Variants in BOLL observed in about 807,000 individuals in gnomAD.
The protein encoded by BOLL is protein boule-like.
In BOLL, 23 loss-of-function variants were observed where a neutral mutation model predicts 44.4. That is an observed-to-expected ratio of 0.52 (90% CI 0.37 to 0.73). The LOEUF (loss-of-function observed/expected upper bound fraction) is 0.73. BOLL is among the 30% of genes least tolerant of loss of function. The pLI is 0.00. For missense variants in BOLL, 287 were observed against 338.3 expected, an observed-to-expected ratio of 0.85 and a Z score of 1.19; for synonymous variants, 97 against 110.8, an observed-to-expected ratio of 0.88 and a Z score of 0.78.
chr2:197,763,397 A>T (rs2106362022), intron 7 of BOLL, among the ~76,000 whole-genome samples: 2 of 151,384 alleles, frequency 1.3e-5, no homozygotes, highest in South Asian at 4.2e-4. Context: ...CAGGAGAATG[A>T]CATGAACCTG....
At chr2:197,748,867 C>T (rs1038889225) in intron 9 of BOLL, among the ~76,000 whole-genome samples, 1 of 152,270 alleles carries the variant, frequency 6.6e-6, no homozygotes, top group African/African-American at 2.4e-5. Context: ...GATCTCCCAG[C>T]ACAGTGCTTG....
Position 197,756,545 on chromosome 2 carries a change from A to G in BOLL, c.612T>C (p.Ser204=), listed in dbSNP as rs933023301. Residue 204 remains serine (S), a synonymous_variant, in exon 9 of 11, where the codon TCT becomes TCC. Transcript: ENST00000392296. ...GTTGCAGGTATAAGAATGGAGCAGA[A>G]GAGGCAGAAGGCTAAAATACAAAAC... The part of the protein sequence containing the change: ...WQWSVPQPSA[S]SAPFLYLQPS... 6.2e-7 allele frequency: 1 copy of G among 1,606,712 alleles called. No homozygotes were observed. The highest frequency in any genetic ancestry group is 8.5e-7 in the Non-Finnish European group (1 of 1,176,422).
chr2:197,757,912 C>T (rs700648), intron 7 of BOLL, among the ~76,000 whole-genome samples: 75,214 of 151,950 alleles, frequency 0.49, 19,263 homozygotes, highest in African/African-American at 0.6. Context: ...AAATAATGCT[C>T]GACACCACTA....
chr2:197,781,579 A>C, intron 2 of BOLL, 143 bp downstream of exon 2: 1 of 882,102 alleles, frequency 1.1e-6, no homozygotes, highest in Middle Eastern at 3.0e-4. Flanking sequence ...ATGCTGGTTG[A>C]AAAGATTCTT....
intron 6 of BOLL, among the ~76,000 whole-genome samples, chr2:197,770,207 C>G (rs1409287051): frequency 6.6e-6 from 1 of 152,164 alleles, no homozygotes; most frequent in Non-Finnish European, 1.5e-5. Context: ...CTACAACCAT[C>G]TGATATTTGA....
intron 10 of BOLL, among the ~76,000 whole-genome samples, chr2:197,734,810 G>A (rs556506707): frequency 2.6e-4 from 39 of 152,200 alleles, no homozygotes; most frequent in South Asian, 2.3e-3. Context: ...GGACTGTTGC[G>A]GGTGGAGCGG....
At chr2:197,772,141 G>A (rs1013686631) in intron 5 of BOLL, among the ~76,000 whole-genome samples, 159 bp from the exon 6 acceptor site, 2 of 151,916 alleles carry the variant, frequency 1.3e-5, no homozygotes, top group African/African-American at 2.4e-5. Context: ...TTATGTCAAA[G>A]TATCTTTGAA....
At chr2:197,777,927 T>C (rs1487618345) in intron 3 of BOLL, among the ~76,000 whole-genome samples, 2 of 152,014 alleles carry the variant, frequency 1.3e-5, no homozygotes, top group Non-Finnish European at 2.9e-5. Flanking sequence ...AATTTCTCTT[T>C]ATCTATTTGC....
At position 197,727,140 on chromosome 2, in the gene BOLL, A is replaced by G. The variant is rs964189337; in HGVS notation, c.*1415T>C. The G allele has an allele frequency of 3.9e-5, 6 of 152,364 alleles. No homozygotes were observed. The highest frequency in any genetic ancestry group is 1.4e-4 in the African/African-American group (6 of 41,456). The allele number at this position is 152,364 out of a possible 1,614,324, so 9.4% of individuals were successfully genotyped here. ...GTATTTGAGATCCTTGTATGCTAGT[A>G]TACATTCATAAGGTTCTACTGTTCT... On this transcript the variant is annotated 3_prime_UTR_variant, in exon 11 of 11. Coordinates refer to ENST00000392296, the MANE Select transcript of BOLL (RefSeq NM_033030.6).
intron 7 of BOLL, among the ~76,000 whole-genome samples, chr2:197,762,244 T>C (rs1160755054): frequency 2.0e-5 from 3 of 152,132 alleles, no homozygotes; most frequent in Non-Finnish European, 4.4e-5. Context: ...CCGAGGAGGC[T>C]GAGGCAGGAG....
At chr2:197,780,498 T>C (rs1264353676) in intron 2 of BOLL, among the ~76,000 whole-genome samples, 2 of 152,086 alleles carry the variant, frequency 1.3e-5, no homozygotes, top group Admixed American at 1.3e-4. Flanking sequence ...TGCTAATCTA[T>C]TGTAATATAA....
Position 197,779,042 on chromosome 2 carries a change from A to T in BOLL, c.154T>A (p.Phe52Ile), listed in dbSNP as rs750907998. 3.1e-6 allele frequency: 5 copies of T among 1,610,686 alleles called. No homozygotes were observed. The highest frequency in any genetic ancestry group is 2.5e-6 in the Non-Finnish European group (3 of 1,178,148). Reference protein sequence around the residue: ...FKTNESDLRKFFSQYGSVKEV... With the variant: ...FKTNESDLRKIFSQYGSVKEV... ...TTCACAGACCCATACTGGGAAAAAAATTTTCTTAAATCACTTTCGTTTGTC... is the reference window on the plus strand; with the variant it reads ...TTCACAGACCCATACTGGGAAAAAATTTTTCTTAAATCACTTTCGTTTGTC... The change falls in exon 3 of 11, where the codon TTT becomes ATT. Residue 52 changes from phenylalanine to isoleucine, a missense_variant. Phe to Ile is a conservative substitution (Grantham distance 21). Transcript: ENST00000392296.
At chr2:197,741,803 T>C (rs1386409366) in intron 10 of BOLL, among the ~76,000 whole-genome samples, 2 of 151,980 alleles carry the variant, frequency 1.3e-5, no homozygotes, top group Non-Finnish European at 2.9e-5. Flanking sequence ...AAAGCCAAAA[T>C]TGACAAATGG....
At chr2:197,762,548 T>C (rs1459241111) in intron 7 of BOLL, among the ~76,000 whole-genome samples, 1 of 152,094 alleles carries the variant, frequency 6.6e-6, no homozygotes. Flanking sequence ...TGAAATTATA[T>C]AAAGTATCTT....
chr2:197,746,103 A>G (rs1481535966), intron 9 of BOLL, among the ~76,000 whole-genome samples: 3 of 152,218 alleles, frequency 2.0e-5, no homozygotes, highest in Non-Finnish European at 4.4e-5. Flanking sequence ...CCACATCCCA[A>G]TACAGAACCC....
At chr2:197,781,067 A>AT (rs1689755168) in intron 2 of BOLL, among the ~76,000 whole-genome samples, 1 of 152,024 alleles carries the variant, frequency 6.6e-6, no homozygotes. Flanking sequence ...ACACGTGCAG[A>AT]TTTGTTATAA....
chr2:197,744,226 T>A (rs1235487408), intron 9 of BOLL, among the ~76,000 whole-genome samples: 1 of 152,180 alleles, frequency 6.6e-6, no homozygotes, highest in African/African-American at 2.4e-5. Flanking sequence ...CTAGTGGCTA[T>A]TGTAGTGGAT....
intron 6 of BOLL, among the ~76,000 whole-genome samples, chr2:197,767,163 G>A (rs1689037384): frequency 6.6e-6 from 1 of 151,838 alleles, no homozygotes; most frequent in Admixed American, 6.6e-5. Flanking sequence ...AATCTGTGCT[G>A]AAAAAAGTAC....
chr2:197,781,121 G>C (rs576070933), intron 2 of BOLL, among the ~76,000 whole-genome samples: 22 of 152,050 alleles, frequency 1.4e-4, no homozygotes, highest in Admixed American at 1.3e-3. Flanking sequence ...TGGCACCCAG[G>C]TACTAAGCCT....
Sources: allele counts gnomAD v4.1 joint callset (sites outside exome capture counted in the v4.1 genomes callset), GRCh38; gene constraint gnomAD v4.1.1; transcripts MANE v1.5; gene names NCBI Gene and HGNC (gene_info 2026-07-23, HGNC 2026-07-21).